MRPL10: variants seen among roughly 807,000 people sequenced by gnomAD.
MRPL10 encodes large ribosomal subunit protein uL10m.
MRPL10 carries 14 observed loss-of-function variants against 19.8 expected under a neutral mutation model. The observed-to-expected ratio is 0.71, with a 90% CI of 0.47 to 1.11. The LOEUF is 1.11. Ranked by LOEUF, MRPL10 falls within the 50% of genes least tolerant of loss-of-function variation. The pLI is 0.00. For synonymous variants in MRPL10, 129 were observed against 139.2 expected (o/e 0.93, Z 0.52); for missense variants, 318 against 339.6 (o/e 0.94, Z 0.50).
rs1276883630 is a variant in MRPL10 at position 47,827,020 on chromosome 17, C to T, written c.387+20G>A. 3 of 1,593,816 alleles carry T rather than the reference C, an allele frequency of 1.9e-6. No individual in the cohort carries two copies. The stretch of plus-strand genomic sequence containing the variant: ...GTGGGGGGAAGATGGGCAACCCATG[C>T]CAAGGGGCCTGCTCCCTACCTGGTT... On this transcript the variant is annotated intron_variant, in intron 3 of 4. Coordinates refer to ENST00000351111, the MANE Select transcript of MRPL10 (RefSeq NM_145255.4).
Position 47,826,722 on chromosome 17 carries a change from C to A in MRPL10, c.447G>T (p.Gly149=), listed in dbSNP as rs1348641304. ...KYQNLLPLFV[G]HNMLLVSEEP... is the part of the protein sequence containing the mutation. ...CTTCACTGACCAGCAGCATGTTGTG[C>A]CCCACAAAAAGGGGCAGCAGATTTT... The change falls in exon 4 of 5, where the codon GGG becomes GGT. Residue 149 remains glycine (G), a synonymous_variant. Coordinates refer to ENST00000351111, the MANE Select transcript of MRPL10 (RefSeq NM_145255.4). The A allele has an allele frequency of 1.9e-6, 3 of 1,614,198 alleles. No individual in the cohort carries two copies. Among genetic ancestry groups the A allele is most frequent in the Non-Finnish European group, 2.5e-6 (3 of 1,180,034 alleles).
chr17:47,825,293 C>T (rs2033513960), intron 4 of MRPL10, among the ~76,000 whole-genome samples: 1 of 152,192 alleles, frequency 6.6e-6, no homozygotes, highest in South Asian at 2.1e-4. Context: ...CACGCCATTG[C>T]ACTCCAGCCT....
intron 2 of MRPL10, among the ~76,000 whole-genome samples, chr17:47,827,695 G>A (rs58290292): frequency 0.026 from 3,942 of 151,690 alleles, 161 homozygotes; most frequent in African/African-American, 0.09. Context: ...TCAGGAGTTC[G>A]AGACCAGCCT....
At chr17:47,828,797 G>A in intron 1 of MRPL10, 127 bp from the exon 2 acceptor site, 1 of 655,448 alleles carries the variant, frequency 1.5e-6, no homozygotes, top group Non-Finnish European at 2.2e-6. Flanking sequence ...CAACACAAGA[G>A]TGGGACAAGG....
Position 47,823,972 on chromosome 17 carries a change from CTT to C in MRPL10, c.*231_*232del. Reference sequence around the variant, plus strand: ...GCCTTGGACCTGGAGAATGGAGAGACTTTGCTCCTATCACGTCCCAAGTTGGG... The same window carrying C: ...GCCTTGGACCTGGAGAATGGAGAGACTGCTCCTATCACGTCCCAAGTTGGG... On this transcript the variant is annotated 3_prime_UTR_variant, in exon 5 of 5. Transcript: ENST00000351111. The C allele has an allele frequency of 3.5e-6, 2 of 571,472 alleles. No individual in the cohort carries two copies. Among genetic ancestry groups the C allele is most frequent in the South Asian group, 4.0e-5 (2 of 49,814 alleles). The allele number at this position is 571,472 out of a possible 1,614,324, so 35.4% of individuals were successfully genotyped here.
chr17:47,824,164 C>A lies in MRPL10; in HGVS notation c.*41G>T. The A allele has an allele frequency of 6.2e-7, 1 of 1,612,940 alleles. No individual in the cohort carries two copies. The highest frequency in any genetic ancestry group is 8.5e-7 in the Non-Finnish European group (1 of 1,179,652). On this transcript the variant is annotated 3_prime_UTR_variant, in exon 5 of 5. Coordinates refer to ENST00000351111, the MANE Select transcript of MRPL10 (RefSeq NM_145255.4). ...CCATTGAGGAGAGCACAGCCAATAACGCAGAGTGTATTTATGCGCAGGGCT... is the reference window on the plus strand; with the variant it reads ...CCATTGAGGAGAGCACAGCCAATAAAGCAGAGTGTATTTATGCGCAGGGCT...
chr17:47,824,868 G>C (rs1860103726), intron 4 of MRPL10, among the ~76,000 whole-genome samples: 1 of 151,722 alleles, frequency 6.6e-6, no homozygotes, highest in Non-Finnish European at 1.5e-5. Flanking sequence ...ACAAAAATTA[G>C]CCAGGCATGG....
Position 47,823,942 on chromosome 17 carries a change from T to A in MRPL10, c.*263A>T. The A allele has an allele frequency of 2.0e-6, 1 of 500,244 alleles. No individual in the cohort carries two copies. Among genetic ancestry groups the A allele is most frequent in the Non-Finnish European group, 3.6e-6 (1 of 279,162 alleles). 31.0% of individuals were successfully genotyped at this position (500,244 alleles called of 1,614,324 possible). On this transcript the variant is annotated 3_prime_UTR_variant, in exon 5 of 5. Coordinates refer to ENST00000351111, the MANE Select transcript of MRPL10 (RefSeq NM_145255.4). Reference sequence around the variant, plus strand: ...GGACAATAGCCCTATCTTTTCAGGATCTCTGCCTTGGACCTGGAGAATGGA... The same window carrying A: ...GGACAATAGCCCTATCTTTTCAGGAACTCTGCCTTGGACCTGGAGAATGGA...
intron 4 of MRPL10, among the ~76,000 whole-genome samples, chr17:47,824,891 G>A (rs2033505529): frequency 6.6e-6 from 1 of 151,464 alleles, no homozygotes; most frequent in African/African-American, 2.4e-5. Flanking sequence ...GCGAGCGCCT[G>A]TAATCCAAGC....
Position 47,831,435 on chromosome 17 carries a change from C to G in MRPL10, c.52+25G>C, listed in dbSNP as rs181692964. ...ACTAGAGAGCGGCCGCAAGACACGC[C>G]GTGAGGACCTGGGCCACTCCTTACC... is the stretch of plus-strand genomic sequence containing the variant. On this transcript the variant is annotated intron_variant, in intron 1 of 4. Transcript: ENST00000351111. 600 of 1,548,410 alleles carry G rather than the reference C, an allele frequency of 3.9e-4. 5 individuals carry two copies. The African/African-American group carries it at 7.6e-3, about 20-fold the overall frequency.
intron 4 of MRPL10, among the ~76,000 whole-genome samples, chr17:47,826,022 C>T (rs1312219339): frequency 6.6e-6 from 1 of 151,640 alleles, no homozygotes; most frequent in African/African-American, 2.4e-5. Flanking sequence ...TGGCAGGTGC[C>T]TGTAATCCCA....
intron 4 of MRPL10, 39 bp downstream of exon 4, chr17:47,826,598 T>A: frequency 6.2e-7 from 1 of 1,610,012 alleles, no homozygotes; most frequent in Non-Finnish European, 8.5e-7. Context: ...AGCAGGCCCC[T>A]CTTCACCCCA....
chr17:47,831,467 G>GGGCAGGAGACCCCCT lies in MRPL10; in HGVS notation c.30_44dup (p.Gly11_Pro15dup), dbSNP rs1404020583. 6.5e-7 allele frequency: 1 copy of GGGCAGGAGACCCCCT among 1,548,928 alleles called. No homozygotes were observed. The highest frequency in any genetic ancestry group is 8.7e-7 in the Non-Finnish European group (1 of 1,146,774). On this transcript the variant is annotated inframe_insertion, in exon 1 of 5. Coordinates refer to ENST00000351111, the MANE Select transcript of MRPL10 (RefSeq NM_145255.4). The stretch of plus-strand genomic sequence containing the variant: ...ACCTGGGCCACTCCTTACCCGCCTG[G>GGGCAGGAGACCCCCT]GGCAGGAGACCCCCTCGCAGCATCC...
chr17:47,828,754 A>G, intron 1 of MRPL10, 84 bp from the exon 2 acceptor site: 1 of 1,090,580 alleles, frequency 9.2e-7, no homozygotes, highest in Middle Eastern at 2.3e-4. Context: ...CACACCCTCT[A>G]GCAGAGAAAA....
chr17:47,830,929 T>TAGATTTAAATGATTTAAA (rs1344811630), intron 1 of MRPL10, among the ~76,000 whole-genome samples: 2 of 152,226 alleles, frequency 1.3e-5, no homozygotes, highest in African/African-American at 4.8e-5. Context: ...CAGGGTGCTT[T>TAGATTTAAATGATTTAAA]AGATTTAAAT....
At chr17:47,827,894 CAAAAAAAAAAAAA>C (rs60303077) in intron 2 of MRPL10, among the ~76,000 whole-genome samples, 3 of 45,716 alleles carry the variant, frequency 6.6e-5, no homozygotes, top group Admixed American at 3.9e-4. Context: ...CTCTGTCTCA[CAAAAAAAAAAAAA>C]AAAAAAAAAA....
Position 47,827,283 on chromosome 17 carries a change from T to C in MRPL10, c.223-79A>G, listed in dbSNP as rs754403899. ...ACGTTGCTCCCTCTGTGGTAGGTTCTAGGGCTTCCAGTGATGTCCAGATGT... is the reference window on the plus strand; with the variant it reads ...ACGTTGCTCCCTCTGTGGTAGGTTCCAGGGCTTCCAGTGATGTCCAGATGT... On this transcript the variant is annotated intron_variant, in intron 2 of 4. Coordinates refer to ENST00000351111, the MANE Select transcript of MRPL10 (RefSeq NM_145255.4). The C allele has an allele frequency of 4.6e-6, 6 of 1,318,514 alleles. No homozygotes were observed. The South Asian group carries it at 7.1e-5, about 16-fold the overall frequency. The allele number at this position is 1,318,514 out of a possible 1,614,324, so 81.7% of individuals were successfully genotyped here.
intron 4 of MRPL10, among the ~76,000 whole-genome samples, 183 bp downstream of exon 4, chr17:47,826,454 G>A (rs915006819): frequency 2.0e-5 from 3 of 152,122 alleles, no homozygotes; most frequent in African/African-American, 7.2e-5. Context: ...AGTGACCTGG[G>A]GTAGTGAGAC....
chr17:47,827,309 G>T lies in MRPL10; in HGVS notation c.223-105C>A, dbSNP rs1259210571. 4.2e-6 allele frequency: 4 copies of T among 946,814 alleles called. No homozygotes were observed. The African/African-American group carries it at 4.9e-5, about 12-fold the overall frequency. The allele number at this position is 946,814 out of a possible 1,614,324, so 58.7% of individuals were successfully genotyped here. ...AGGGCTTCCAGTGATGTCCAGATGT[G>T]CAAAAGATCGGGGAACAAGTAGGAT... On this transcript the variant is annotated intron_variant, in intron 2 of 4. Coordinates refer to ENST00000351111, the MANE Select transcript of MRPL10 (RefSeq NM_145255.4).
Sources: gnomAD v4.1 joint callset for allele counts (sites outside exome capture counted in the v4.1 genomes callset) on GRCh38, gnomAD v4.1.1 for gene constraint, MANE v1.5 for transcripts, NCBI Gene and HGNC (gene_info 2026-07-23, HGNC 2026-07-21) for gene names.